Variants in GLRA3 observed in about 807,000 individuals in gnomAD.
The protein encoded by GLRA3 is glycine receptor alpha 3.
GLRA3 carries 44 observed loss-of-function variants against 60.4 expected under a neutral mutation model. The ratio of observed to expected loss-of-function variants is 0.73; its 90% CI spans 0.57 to 0.94. The LOEUF (loss-of-function observed/expected upper bound fraction) is 0.94, where lower values mean the gene tolerates loss of function less well. Among genes scored for constraint, GLRA3 ranks in the 40% least tolerant of loss-of-function variants. GLRA3 has a pLI of 0.00. For synonymous variants in GLRA3, 223 were observed against 192.9 expected, an observed-to-expected ratio of 1.16 and a Z score of -1.29; for missense variants, 508 against 564.6, an observed-to-expected ratio of 0.90 and a Z score of 1.02.
intron 9 of GLRA3, among the ~76,000 whole-genome samples, chr4:174,654,407 T>C (rs1168377500): frequency 6.6e-6 from 1 of 152,172 alleles, no homozygotes; most frequent in African/African-American, 2.4e-5. Context: ...CAGTCAATGA[T>C]ATCTTTATTT....
In GLRA3 at chr4:174,705,381, C is replaced by T. The variant is rs890220651; in HGVS notation, c.574+10107G>A. Among the ~76,000 whole-genome samples the T allele has an allele frequency of 5.6e-5, 8 of 144,064 alleles. 1 individual carries two copies. Among genetic ancestry groups the T allele is most frequent in the Admixed American group, 5.0e-4 (7 of 14,018 alleles). The allele number at this position is 144,064 out of a possible 152,430, so 94.5% of individuals were successfully genotyped here. The stretch of plus-strand genomic sequence containing the variant: ...ATACATTTCTATCCATTAAAAATGA[C>T]CTAATCTGTGGTATTGTGTCATAGC... On this transcript the variant is annotated intron_variant, in intron 5 of 9. Coordinates refer to ENST00000274093, the MANE Select transcript of GLRA3 (RefSeq NM_006529.4).
intron 5 of GLRA3, 24 bp downstream of exon 5, chr4:174,715,464 A>T (rs1445273822): frequency 6.3e-6 from 7 of 1,111,756 alleles, no homozygotes; most frequent in Non-Finnish European, 4.1e-6. Flanking sequence ...AAAGTATTTT[A>T]AAAAGTAAGT....
At chr4:174,652,904 T>C (rs578262820) in intron 9 of GLRA3, among the ~76,000 whole-genome samples, 1 of 152,200 alleles carries the variant, frequency 6.6e-6, no homozygotes, top group Admixed American at 6.5e-5. Context: ...TGAATATTGC[T>C]ATTGAGTGTG....
chr4:174,646,736 ATGGGTTTCC>A (rs1165482587), intron 9 of GLRA3, among the ~76,000 whole-genome samples: 2 of 152,156 alleles, frequency 1.3e-5, no homozygotes, highest in African/African-American at 4.8e-5. Flanking sequence ...TGGAGGTCTG[ATGGGTTTCC>A]TGCCTCACAT....
Position 174,639,527 on chromosome 4 carries a change from C to T in GLRA3, c.*4259G>A, listed in dbSNP as rs1732578925. 6.6e-6 allele frequency: 1 copy of T among 152,070 alleles called. No homozygotes were observed. Among genetic ancestry groups the T allele is most frequent in the South Asian group, 2.1e-4 (1 of 4,818 alleles). The allele number at this position is 152,070 out of a possible 1,614,324, so 9.4% of individuals were successfully genotyped here. A position where few individuals can be genotyped will look rare whatever the true frequency, so the allele number is the denominator to read the frequency against. On this transcript the variant is annotated 3_prime_UTR_variant, in exon 10 of 10. Transcript: ENST00000274093. ...ACTAACTTGGGATTATATCTCTTGT[C>T]CTCATATCTGGAAGAAGCTTCCCCA...
intron 3 of GLRA3, among the ~76,000 whole-genome samples, chr4:174,749,320 G>T (rs766833081): frequency 2.0e-5 from 3 of 152,038 alleles, no homozygotes; most frequent in Non-Finnish European, 4.4e-5. Flanking sequence ...TCCTTTCTGT[G>T]AGGTGGCTGG....
chr4:174,756,548 C>A lies in GLRA3; in HGVS notation c.267+10415G>T, dbSNP rs141068573. On this transcript the variant is annotated intron_variant, in intron 3 of 9. Coordinates refer to ENST00000274093, the MANE Select transcript of GLRA3 (RefSeq NM_006529.4). ...AGACAGCATTGAATAAAATTGAATT[C>A]CTTTTCATAATAAAACATCTCAGCA... Among the ~76,000 whole-genome samples the A allele has an allele frequency of 2.0e-5, 3 of 152,076 alleles. No homozygotes were observed. The East Asian group carries it at 5.8e-4, about 29-fold the overall frequency.
intron 7 of GLRA3, among the ~76,000 whole-genome samples, chr4:174,674,818 G>T (rs960972595): frequency 2.0e-5 from 3 of 152,146 alleles, no homozygotes; most frequent in Admixed American, 2.0e-4. Context: ...ATTGAGAACA[G>T]AAGATCTTAA....
chr4:174,719,626 G>T (rs973697684), intron 4 of GLRA3, among the ~76,000 whole-genome samples: 1 of 152,156 alleles, frequency 6.6e-6, no homozygotes, highest in Non-Finnish European at 1.5e-5. Context: ...TCTTAGGAGA[G>T]ATTAGATTGC....
chr4:174,815,081 C>T (rs191689593), intron 1 of GLRA3, among the ~76,000 whole-genome samples: 43 of 152,320 alleles, frequency 2.8e-4, no homozygotes, highest in African/African-American at 1.0e-3. Context: ...TGGGTAAATA[C>T]AGCCATTCCA....
chr4:174,783,627 AAAAC>A (rs1426920881), intron 2 of GLRA3, among the ~76,000 whole-genome samples: 16 of 143,852 alleles, frequency 1.1e-4, no homozygotes, highest in South Asian at 6.7e-4. Flanking sequence ...TTACAAGAAA[AAAAC>A]AAACAACCCC....
At chr4:174,689,619 C>T (rs1734705680) in intron 5 of GLRA3, among the ~76,000 whole-genome samples, 1 of 151,736 alleles carries the variant, frequency 6.6e-6, no homozygotes, top group Non-Finnish European at 1.5e-5. Flanking sequence ...ATTCTACACT[C>T]CGTCCATATG....
At position 174,644,405 on chromosome 4, in the gene GLRA3, A is replaced by ATTT. The variant is rs35207319; in HGVS notation, c.1117-344_1117-342dup. The stretch of plus-strand genomic sequence containing the variant: ...TGTGTTATATATGTTCATAAACTAG[A>ATTT]TTTTTTTTTTTGCATTTTTTTTTAA... On this transcript the variant is annotated intron_variant, in intron 9 of 9. Coordinates refer to ENST00000274093, the MANE Select transcript of GLRA3 (RefSeq NM_006529.4). Among the ~76,000 whole-genome samples the ATTT allele has an allele frequency of 3.5e-3, 511 of 143,988 alleles. 4 individuals carry two copies. The highest frequency in any genetic ancestry group is 0.014 in the African/African-American group (499 of 36,458). 94.5% of individuals were successfully genotyped at this position (143,988 alleles called of 152,430 possible).
intron 3 of GLRA3, among the ~76,000 whole-genome samples, chr4:174,756,256 G>A (rs1156980289): frequency 1.3e-5 from 2 of 152,086 alleles, no homozygotes; most frequent in Non-Finnish European, 2.9e-5. Flanking sequence ...CATAGTTTTA[G>A]GAAACCAGCA....
chr4:174,671,449 A>T (rs1733904982), intron 7 of GLRA3, among the ~76,000 whole-genome samples: 1 of 152,152 alleles, frequency 6.6e-6, no homozygotes, highest in Non-Finnish European at 1.5e-5. Context: ...AGTGAATATA[A>T]ATCCTTCATT....
intron 7 of GLRA3, among the ~76,000 whole-genome samples, chr4:174,671,187 G>A (rs1490824955): frequency 6.6e-6 from 1 of 152,012 alleles, no homozygotes; most frequent in Non-Finnish European, 1.5e-5. Flanking sequence ...TGTTTGTACT[G>A]AACTTGATTG....
chr4:174,763,520 G>A (rs1324182407), intron 3 of GLRA3, among the ~76,000 whole-genome samples: 1 of 152,174 alleles, frequency 6.6e-6, no homozygotes, highest in Non-Finnish European at 1.5e-5. Context: ...TTACAATTTG[G>A]TTTTTGCGTA....
chr4:174,744,085 A>ATGGTGCTG (rs1232946899), intron 3 of GLRA3, among the ~76,000 whole-genome samples: 2 of 152,162 alleles, frequency 1.3e-5, no homozygotes, highest in Non-Finnish European at 2.9e-5. Flanking sequence ...CCTACTCTGT[A>ATGGTGCTG]TGGTGCTGTG....
rs1171516182 is a variant in GLRA3 at position 174,683,000 on chromosome 4, C to A, written c.575-61G>T. On this transcript the variant is annotated intron_variant, in intron 5 of 9. Coordinates refer to ENST00000274093, the MANE Select transcript of GLRA3 (RefSeq NM_006529.4). ...AAAGGGCATTCAAAGAAAAGAAATG[C>A]AAATTACTTTATAGTCACATAGGAT... The A allele has an allele frequency of 3.7e-6, 5 of 1,337,988 alleles. No homozygotes were observed. In the African/African-American group the frequency reaches 5.8e-5, roughly 15 times the overall value. 82.9% of individuals were successfully genotyped at this position (1,337,988 alleles called of 1,614,324 possible).
Sources: allele counts gnomAD v4.1 joint callset (sites outside exome capture counted in the v4.1 genomes callset), GRCh38; gene constraint gnomAD v4.1.1; transcripts MANE v1.5; gene names NCBI Gene and HGNC (gene_info 2026-07-23, HGNC 2026-07-21).